Variants in IL13RA1 observed in about 807,000 individuals in gnomAD.
IL13RA1 encodes the protein interleukin-13 receptor subunit alpha-1.
Under a neutral mutation model 33.8 loss-of-function variants are expected in IL13RA1, and 14 were observed. That is an observed-to-expected ratio of 0.41 (90% CI 0.27 to 0.65). The LOEUF is 0.65. Ranked by LOEUF, IL13RA1 falls within the 30% of genes least tolerant of loss-of-function variation. IL13RA1 has a pLI of 0.28. For missense variants in IL13RA1, 313 were observed against 327.0 expected, an observed-to-expected ratio of 0.96 and a Z score of 0.33; for synonymous variants, 116 against 115.7, an observed-to-expected ratio of 1.00 and a Z score of -0.02.
the IL13RA1 span, among the ~76,000 whole-genome samples, chrX:118,802,087 TGA>T: frequency 1.8e-5 from 2 of 111,929 alleles, no homozygotes; most frequent in African/African-American, 6.5e-5. Flanking sequence ...TTTGTTAGGA[TGA>T]GAGTGCAGAT....
Position 118,728,090 on chromosome X carries a change from C to T in IL13RA1, c.88+364C>T, listed in dbSNP as rs1033472935. ...AAACATGCCCACGGCGTCAGAGGGC[C>T]GTGGGTCAGCGCCCGGAATGTCGCC... On this transcript the variant is annotated intron_variant, in intron 1 of 10. Coordinates refer to ENST00000371666, the MANE Select transcript of IL13RA1 (RefSeq NM_001560.3). 1.2e-4 allele frequency among the ~76,000 whole-genome samples: 14 copies of T among 112,549 alleles called. 1 individual carries two copies. Among genetic ancestry groups the T allele is most frequent in the Non-Finnish European group, 2.4e-4 (13 of 53,101 alleles).
chrX:118,740,543 A>C (rs2017330971), intron 1 of IL13RA1, among the ~76,000 whole-genome samples: 1 of 112,071 alleles, frequency 8.9e-6, no homozygotes, highest in African/African-American at 3.2e-5. Context: ...CTGTAATCCC[A>C]GAACTTTGGG....
chrX:118,746,541 A>C (rs1227562434), intron 2 of IL13RA1, among the ~76,000 whole-genome samples: 1 of 111,766 alleles, frequency 8.9e-6, no homozygotes, highest in Non-Finnish European at 1.9e-5. Flanking sequence ...TTGATATGTT[A>C]GCATTGTAGG....
intron 4 of IL13RA1, among the ~76,000 whole-genome samples, chrX:118,754,636 C>CA (rs200644155): frequency 0.24 from 24,965 of 103,563 alleles, 2,603 homozygotes; most frequent in East Asian, 0.39. Context: ...GACTCCATCT[C>CA]AAAAAAAAAA....
At position 118,791,777 on chromosome X, in the gene IL13RA1, G is replaced by A. The variant is rs149035999; in HGVS notation, c.1207G>A (p.Asp403Asn). 67 of 1,011,318 alleles carry A rather than the reference G, an allele frequency of 6.6e-5. No individual in the cohort carries two copies. The African/African-American group carries it at 1.0e-3, about 16-fold the overall frequency. The allele number at this position is 1,011,318 out of a possible 1,213,427, so 83.3% of individuals were successfully genotyped here. The change falls in exon 11 of 11, where the codon GAC becomes AAC. Residue 403 changes from aspartate (D) to asparagine (N), a missense_variant. Coordinates refer to ENST00000371666, the MANE Select transcript of IL13RA1 (RefSeq NM_001560.3). ...TCCCTTCTAGCACTGGAAGAAGTAC[G>A]ACATCTATGAGAAGCAAACCAAGGA... Reference protein sequence around the residue: ...NDDTLHWKKYDIYEKQTKEET... With the variant: ...NDDTLHWKKYNIYEKQTKEET...
intron 1 of IL13RA1, 32 bp downstream of exon 1, chrX:118,727,758 C>G: frequency 1.4e-6 from 1 of 703,162 alleles, no homozygotes; most frequent in Non-Finnish European, 1.8e-6. Flanking sequence ...CGAGGGGCGG[C>G]CGGAGGGCTG....
intron 9 of IL13RA1, 152 bp from the exon 10 acceptor site, chrX:118,776,275 C>G: frequency 5.4e-6 from 2 of 368,217 alleles, no homozygotes; most frequent in South Asian, 1.3e-4. Context: ...TTTGTGTACC[C>G]TATTTTAGAA....
chrX:118,771,944 G>C (rs941114645), intron 8 of IL13RA1, among the ~76,000 whole-genome samples: 1 of 111,868 alleles, frequency 8.9e-6, no homozygotes, highest in African/African-American at 3.3e-5. Context: ...CTGCACTCCA[G>C]CCTGGGTGAC....
At chrX:118,759,032 A>G (rs1219475194) in intron 5 of IL13RA1, 1 of 111,931 alleles carries the variant, frequency 8.9e-6, no homozygotes, top group Non-Finnish European at 1.9e-5. Context: ...TTCCTAAATA[A>G]TCTGTCTCTT....
downstream of IL13RA1, chrX:118,794,538 A>G (rs755559306): frequency 8.9e-6 from 1 of 112,274 alleles, no homozygotes; most frequent in South Asian, 3.7e-4. Context: ...ATGTCACCCA[A>G]ATGTTTTCCT....
intron 10 of IL13RA1, among the ~76,000 whole-genome samples, chrX:118,783,206 C>T (rs566193755): frequency 1.3e-4 from 14 of 111,675 alleles, no homozygotes; most frequent in South Asian, 3.7e-4. Context: ...TATAACATGC[C>T]GTTTTTCTAG....
downstream of IL13RA1, among the ~76,000 whole-genome samples, chrX:118,795,227 A>AAAAAAAAAAAAG (rs200347606): frequency 9.5e-5 from 9 of 94,994 alleles, 1 homozygote; most frequent in African/African-American, 3.8e-4. Context: ...AAAAAAAAAA[A>AAAAAAAAAAAAG]AAAGAAAAAG....
chrX:118,770,017 C>T (rs2017694788), intron 8 of IL13RA1: 1 of 224,726 alleles, frequency 4.4e-6, no homozygotes, highest in Non-Finnish European at 8.3e-6. Flanking sequence ...CCAGCAACTG[C>T]TCGGTGTGTG....
chrX:118,773,423 G>A (rs759721013), intron 8 of IL13RA1, among the ~76,000 whole-genome samples: 1 of 111,859 alleles, frequency 8.9e-6, no homozygotes, highest in East Asian at 2.8e-4. Flanking sequence ...ACATGGAGGC[G>A]GAGGTTGCAG....
At chrX:118,783,728 C>G (rs1363616550) in intron 10 of IL13RA1, among the ~76,000 whole-genome samples, 1 of 95,209 alleles carries the variant, frequency 1.1e-5, no homozygotes, top group African/African-American at 3.9e-5. Flanking sequence ...AATAGTTATA[C>G]AGTTTTTATT....
At chrX:118,764,966 T>A (rs758727512) in intron 6 of IL13RA1, among the ~76,000 whole-genome samples, 1 of 112,497 alleles carries the variant, frequency 8.9e-6, no homozygotes, top group East Asian at 2.8e-4. Flanking sequence ...TTTTCACCTA[T>A]GTAACCAGCA....
chrX:118,791,074 C>G (rs2017970086), intron 10 of IL13RA1, among the ~76,000 whole-genome samples: 1 of 111,590 alleles, frequency 9.0e-6, no homozygotes, highest in African/African-American at 3.3e-5. Context: ...TTTAGTATAA[C>G]AACTTTATTT....
intron 1 of IL13RA1, among the ~76,000 whole-genome samples, chrX:118,730,663 A>G (rs2017206682): frequency 9.0e-6 from 1 of 111,448 alleles, no homozygotes; most frequent in Non-Finnish European, 1.9e-5. Context: ...AATAACACAG[A>G]AGGAGGAAGC....
chrX:118,761,174 T>C lies in IL13RA1; in HGVS notation c.713T>C (p.Phe238Ser), dbSNP rs772966349. Residue 238 changes from phenylalanine (F) to serine (S), a missense_variant, in exon 6 of 11, where the codon TTC (phenylalanine) becomes TCC (serine). By Grantham distance (155) the Phe-to-Ser change is radical (BLOSUM62 -2). Transcript: ENST00000371666. The part of the protein sequence containing the change: ...PDPPHIKNLS[F>S]HNDDLYVQWE... ...CCTCCACATATTAAAAACCTCTCCT[T>C]CCACAATGATGACCTATATGTGCAA... is the stretch of plus-strand genomic sequence containing the variant. 2.9e-6 allele frequency: 3 copies of C among 1,017,008 alleles called. No individual in the cohort carries two copies. The highest frequency in any genetic ancestry group is 4.1e-6 in the Non-Finnish European group (3 of 738,557). The allele number at this position is 1,017,008 out of a possible 1,213,427, so 83.8% of individuals were successfully genotyped here.
Sources: gnomAD v4.1 joint callset for allele counts (sites outside exome capture counted in the v4.1 genomes callset) on GRCh38, gnomAD v4.1.1 for gene constraint, MANE v1.5 for transcripts, NCBI Gene and HGNC (gene_info 2026-07-23, HGNC 2026-07-21) for gene names.